The following PTPN20 variants were observed in gnomAD, a reference collection of about 807,000 sequenced individuals.
PTPN20 encodes protein tyrosine phosphatase non-receptor type 20.
A neutral mutation model predicts 35.0 loss-of-function variants in PTPN20; 9 were observed. The ratio of observed to expected loss-of-function variants is 0.26; its 90% CI spans 0.15 to 0.45. The LOEUF (loss-of-function observed/expected upper bound fraction) is 0.45. PTPN20 is among the 20% of genes least tolerant of loss of function. The pLI, the probability that PTPN20 is intolerant of heterozygous loss-of-function variation, is 1.00. For synonymous variants in PTPN20, 32 were observed against 100.2 expected (o/e 0.32, Z 4.06); for missense variants, 111 against 312.5 (o/e 0.36, Z 4.86).
At chr10:46,945,773 T>TG (rs1200171753) in intron 4 of PTPN20, among the ~76,000 whole-genome samples, 1 of 148,590 alleles carries the variant, frequency 6.7e-6, no homozygotes, top group African/African-American at 2.5e-5. Flanking sequence ...GGAAACAAAG[T>TG]GGGTATGGGC....
chr10:46,976,061 AGCTTCCCAAGTAGTTG>A (rs2053486466), intron 7 of PTPN20, among the ~76,000 whole-genome samples: 2 of 144,608 alleles, frequency 1.4e-5, no homozygotes, highest in Non-Finnish European at 3.1e-5. Context: ...CTCCCACCTC[AGCTTCCCAAGTAGTTG>A]GGACTATGGG....
Position 46,964,382 on chromosome 10 carries a change from A to G in PTPN20, c.341-604A>G, listed in dbSNP as rs1160783839. On this transcript the variant is annotated intron_variant, in intron 5 of 10. Coordinates refer to ENST00000374339, the MANE Select transcript of PTPN20 (RefSeq NM_001042357.5). ...TACCTAAAAGATCATAATTAAAAAT[A>G]AAAAGATTGTATGTGTGCTATTAAA... Among the ~76,000 whole-genome samples, 10 of 101,692 alleles carry G rather than the reference A, an allele frequency of 9.8e-5. 1 individual carries two copies. Among genetic ancestry groups the G allele is most frequent in the Admixed American group, 9.7e-4 (10 of 10,338 alleles). The allele number at this position is 101,692 out of a possible 152,430, so 66.7% of individuals were successfully genotyped here. A position where few individuals can be genotyped will look rare whatever the true frequency, so the allele number is the denominator to read the frequency against.
chr10:47,000,523 T>C (rs2059919420), intron 10 of PTPN20, among the ~76,000 whole-genome samples, 153 bp from the exon 11 acceptor site: 1 of 152,194 alleles, frequency 6.6e-6, no homozygotes, highest in Admixed American at 6.5e-5. Flanking sequence ...TTTAAAAATG[T>C]ATTCACGTAA....
intron 1 of PTPN20, among the ~76,000 whole-genome samples, chr10:46,926,454 C>T (rs2037419153): frequency 6.6e-6 from 1 of 151,586 alleles, no homozygotes; most frequent in Non-Finnish European, 1.5e-5. Context: ...GTTCATTTTT[C>T]CTTCTTTTGC....
chr10:46,994,608 A>G (rs1319177290), intron 9 of PTPN20, among the ~76,000 whole-genome samples: 2 of 152,050 alleles, frequency 1.3e-5, no homozygotes, highest in Non-Finnish European at 2.9e-5. Context: ...TGCTGGGATT[A>G]CAAGCGTGAG....
At chr10:46,925,826 GCC>G (rs2037152397) in intron 1 of PTPN20, among the ~76,000 whole-genome samples, 1 of 151,636 alleles carries the variant, frequency 6.6e-6, no homozygotes, top group Non-Finnish European at 1.5e-5. Context: ...GATCCATATT[GCC>G]CATAGCCCTT....
chr10:46,952,817 C>T (rs1349888142), intron 5 of PTPN20, among the ~76,000 whole-genome samples: 1 of 151,872 alleles, frequency 6.6e-6, no homozygotes, highest in African/African-American at 2.4e-5. Flanking sequence ...TGGAAAGCAG[C>T]AGCCCAGTTT....
chr10:47,002,648 T>G, downstream of PTPN20, among the ~76,000 whole-genome samples: 1 of 151,944 alleles, frequency 6.6e-6, no homozygotes, highest in Non-Finnish European at 1.5e-5. Flanking sequence ...AATGCTAATT[T>G]AAAGGAAGTT....
At chr10:46,928,604 C>T (rs1265942940) in intron 1 of PTPN20, among the ~76,000 whole-genome samples, 7 of 151,818 alleles carry the variant, frequency 4.6e-5, no homozygotes, top group Non-Finnish European at 8.8e-5. Context: ...TACTCACACA[C>T]TACAGGGAAT....
In PTPN20 at chr10:46,977,014, A is replaced by AT. The variant is rs1311165174; in HGVS notation, c.584-7213dup. On this transcript the variant is annotated intron_variant, in intron 7 of 10. Coordinates refer to ENST00000374339, the MANE Select transcript of PTPN20 (RefSeq NM_001042357.5). ...CTAGGCTAGGCTATGATACTCAGCT[A>AT]TTTGGTCAAATATTAGTCTAGATGT... Among the ~76,000 whole-genome samples the AT allele has an allele frequency of 4.6e-5, 7 of 152,268 alleles. No individual in the cohort carries two copies. The East Asian group carries it at 1.3e-3, about 29-fold the overall frequency.
chr10:46,994,999 T>C (rs2058784998), intron 9 of PTPN20, among the ~76,000 whole-genome samples: 1 of 152,188 alleles, frequency 6.6e-6, no homozygotes, highest in African/African-American at 2.4e-5. Flanking sequence ...TAAGTTTGTC[T>C]AATAAATTTT....
chr10:46,975,823 GGC>G (rs1452509197), intron 7 of PTPN20, among the ~76,000 whole-genome samples: 1 of 151,220 alleles, frequency 6.6e-6, no homozygotes, highest in Non-Finnish European at 1.5e-5. Context: ...CACCACACCT[GGC>G]TAATTTTGTA....
intron 5 of PTPN20, among the ~76,000 whole-genome samples, chr10:46,951,217 A>G (rs1187462143): frequency 6.6e-6 from 1 of 152,100 alleles, no homozygotes; most frequent in African/African-American, 2.4e-5. Flanking sequence ...CTGGTCTCGA[A>G]CTCCTGACAT....
At chr10:46,923,120 G>A (rs1163051369) in intron 1 of PTPN20, among the ~76,000 whole-genome samples, 2 of 144,292 alleles carry the variant, frequency 1.4e-5, no homozygotes, top group Admixed American at 6.7e-5. Context: ...TTGGAGAGAA[G>A]ACTGTTGTGG....
At chr10:46,926,436 A>G (rs1414345086) in intron 1 of PTPN20, among the ~76,000 whole-genome samples, 1 of 151,698 alleles carries the variant, frequency 6.6e-6, no homozygotes, top group Non-Finnish European at 1.5e-5. Context: ...ATATTGCAAC[A>G]TTACACAGTT....
At chr10:46,945,106 T>C (rs1354518377) in intron 4 of PTPN20, among the ~76,000 whole-genome samples, 4 of 135,208 alleles carry the variant, frequency 3.0e-5, no homozygotes, top group Non-Finnish European at 4.6e-5. Flanking sequence ...CTGCCAAGAG[T>C]TGTAGGGTGT....
Position 47,000,936 on chromosome 10 carries a change from A to T in PTPN20, c.*195A>T. 1.5e-6 allele frequency: 1 copy of T among 660,110 alleles called. No individual in the cohort carries two copies. Among genetic ancestry groups the T allele is most frequent in the Non-Finnish European group, 2.7e-6 (1 of 368,490 alleles). 40.9% of individuals were successfully genotyped at this position (660,110 alleles called of 1,614,324 possible). A position where few individuals can be genotyped will look rare whatever the true frequency, so the allele number is the denominator to read the frequency against. On this transcript the variant is annotated 3_prime_UTR_variant, in exon 11 of 11. Coordinates refer to ENST00000374339, the MANE Select transcript of PTPN20 (RefSeq NM_001042357.5). Reference sequence around the variant, plus strand: ...TGGGGTGATCAGTGTTTACTTATTGATCTTGCTAGACAATATCAAAATAAC... The same window carrying T: ...TGGGGTGATCAGTGTTTACTTATTGTTCTTGCTAGACAATATCAAAATAAC...
chr10:46,919,208 G>A (rs1444332797), intron 1 of PTPN20, among the ~76,000 whole-genome samples: 1 of 152,198 alleles, frequency 6.6e-6, no homozygotes, highest in Non-Finnish European at 1.5e-5. Flanking sequence ...GTATATAATT[G>A]GATCTCACTT....
chr10:46,941,542 G>A (rs1235046027), intron 3 of PTPN20, among the ~76,000 whole-genome samples: 27 of 116,658 alleles, frequency 2.3e-4, no homozygotes, highest in African/African-American at 9.8e-4. Context: ...TCTCTGATCA[G>A]AATGGTTTTC....
Sources: allele counts gnomAD v4.1 joint callset (sites outside exome capture counted in the v4.1 genomes callset), GRCh38; gene constraint gnomAD v4.1.1; transcripts MANE v1.5; gene names NCBI Gene and HGNC (gene_info 2026-07-23, HGNC 2026-07-21).